The following CNTN5 variants were observed in gnomAD, a reference collection of about 807,000 sequenced individuals.
CNTN5 encodes contactin 5, also known as contactin-5.
In CNTN5, 77 loss-of-function variants were observed where a neutral mutation model predicts 129.1. The observed-to-expected ratio is 0.60, with a 90% CI of 0.50 to 0.72. The LOEUF is 0.72. Ranked by LOEUF, CNTN5 falls within the 30% of genes least tolerant of loss-of-function variation. CNTN5 has a pLI of 0.00. For missense variants in CNTN5, 1,478 were observed against 1,328.8 expected (o/e 1.11, Z -1.75); for synonymous variants, 509 against 465.6 (o/e 1.09, Z -1.20).
At chr11:99,666,759 T>A (rs1414198867) in intron 3 of CNTN5, among the ~76,000 whole-genome samples, 1 of 152,126 alleles carries the variant, frequency 6.6e-6, no homozygotes, top group East Asian at 1.9e-4. Flanking sequence ...AGGGCATGAC[T>A]GGGAAGTGGA....
chr11:100,136,526 A>G (rs1274880105), intron 13 of CNTN5, among the ~76,000 whole-genome samples: 4 of 152,042 alleles, frequency 2.6e-5, no homozygotes, highest in Non-Finnish European at 5.9e-5. Context: ...CTTTTAATTT[A>G]TTTTAGTTTT....
At chr11:99,757,410 C>T (rs951563177) in intron 3 of CNTN5, among the ~76,000 whole-genome samples, 5 of 151,688 alleles carry the variant, frequency 3.3e-5, no homozygotes, top group Admixed American at 3.3e-4. Flanking sequence ...ATTTTCTGTC[C>T]TTATAAGGAC....
At chr11:99,711,789 T>C (rs1955000713) in intron 3 of CNTN5, among the ~76,000 whole-genome samples, 1 of 152,006 alleles carries the variant, frequency 6.6e-6, no homozygotes, top group East Asian at 1.9e-4. Flanking sequence ...GCTTTTTCCA[T>C]GTCCCTGCAA....
chr11:100,053,976 T>C (rs1044479799), intron 9 of CNTN5, among the ~76,000 whole-genome samples: 1 of 151,774 alleles, frequency 6.6e-6, no homozygotes, highest in Admixed American at 6.6e-5. Context: ...CGTAGTGTAT[T>C]ATTCAATTTA....
intron 3 of CNTN5, among the ~76,000 whole-genome samples, chr11:99,652,350 A>G (rs1027235950): frequency 6.6e-6 from 1 of 152,088 alleles, no homozygotes; most frequent in Non-Finnish European, 1.5e-5. Context: ...CTTACATAAC[A>G]TAAAATAATG....
At chr11:99,627,555 A>G (rs1474554105) in intron 3 of CNTN5, among the ~76,000 whole-genome samples, 1 of 152,168 alleles carries the variant, frequency 6.6e-6, no homozygotes, top group Non-Finnish European at 1.5e-5. Flanking sequence ...CATGTAGACT[A>G]TAACCCCAGT....
At chr11:99,813,682 A>G (rs2135528562) in intron 3 of CNTN5, among the ~76,000 whole-genome samples, 1 of 152,270 alleles carries the variant, frequency 6.6e-6, no homozygotes, top group South Asian at 2.1e-4. Context: ...CATTGAGGAG[A>G]CAAAGAACTA....
intron 21 of CNTN5, chr11:100,309,800 T>C: frequency 8.9e-6 from 5 of 564,166 alleles, no homozygotes; most frequent in Non-Finnish European, 9.0e-6. Context: ...GACACGTGCC[T>C]CCTCCAACTG....
chr11:99,287,630 A>C (rs948221060), intron 1 of CNTN5, among the ~76,000 whole-genome samples: 2 of 152,126 alleles, frequency 1.3e-5, no homozygotes, highest in Non-Finnish European at 2.9e-5. Context: ...ATGAATTACT[A>C]TGAGGAATTT....
chr11:99,175,741 A>C (rs1296805715), intron 1 of CNTN5, among the ~76,000 whole-genome samples: 2 of 152,164 alleles, frequency 1.3e-5, no homozygotes, highest in Non-Finnish European at 1.5e-5. Flanking sequence ...TAGAGGGGTC[A>C]GATGTAATTT....
chr11:99,985,732 T>C (rs1186241869), intron 8 of CNTN5, among the ~76,000 whole-genome samples: 1 of 152,200 alleles, frequency 6.6e-6, no homozygotes, highest in Non-Finnish European at 1.5e-5. Context: ...AAAGCATTCA[T>C]GACATCCTTT....
At chr11:100,205,068 A>T (rs1370982691) in intron 15 of CNTN5, among the ~76,000 whole-genome samples, 1 of 152,072 alleles carries the variant, frequency 6.6e-6, no homozygotes, top group Non-Finnish European at 1.5e-5. Context: ...TTATATAAGC[A>T]AACAGTTCAG....
intron 13 of CNTN5, among the ~76,000 whole-genome samples, chr11:100,108,781 C>T (rs894899097): frequency 6.6e-6 from 1 of 151,158 alleles, no homozygotes. Flanking sequence ...ACTCTACACA[C>T]TCCATAAGAG....
At chr11:99,794,180 CT>C (rs34449350) in intron 3 of CNTN5, among the ~76,000 whole-genome samples, 76,483 of 141,546 alleles carry the variant, frequency 0.54, 20,299 homozygotes, top group East Asian at 0.72. Context: ...CCTTCTTTGT[CT>C]TTTTTTTTTT....
At chr11:99,534,985 A>G (rs968214852) in intron 2 of CNTN5, among the ~76,000 whole-genome samples, 4 of 152,184 alleles carry the variant, frequency 2.6e-5, no homozygotes, top group Admixed American at 2.0e-4. Flanking sequence ...AGTGGAATGA[A>G]TAATAGAAAG....
At chr11:99,133,509 T>C (rs538499454) in intron 1 of CNTN5, among the ~76,000 whole-genome samples, 28 of 151,144 alleles carry the variant, frequency 1.9e-4, no homozygotes, top group African/African-American at 6.8e-4. Flanking sequence ...TCTATCTATC[T>C]GACAAGGTCT....
rs142482567 is a variant in CNTN5 at position 99,834,818 on chromosome 11, T to C, written c.278-10034T>C. Among the ~76,000 whole-genome samples, 390 of 152,236 alleles carry C rather than the reference T, an allele frequency of 2.6e-3. 2 individuals are homozygous for C. The highest frequency in any genetic ancestry group is 9.0e-3 in the African/African-American group (374 of 41,564). On this transcript the variant is annotated intron_variant, in intron 4 of 24. Coordinates refer to ENST00000524871, the MANE Select transcript of CNTN5 (RefSeq NM_014361.4). ...AGTAAGGGAAAAACAGGAATACATA[T>C]ATATGATTTTATAATTTACAAGTTT...
chr11:99,508,242 T>C (rs1054425260), intron 2 of CNTN5, among the ~76,000 whole-genome samples: 1 of 152,194 alleles, frequency 6.6e-6, no homozygotes, highest in African/African-American at 2.4e-5. Context: ...ATAAGCTTTC[T>C]GAGTAATTAA....
intron 7 of CNTN5, among the ~76,000 whole-genome samples, chr11:99,955,966 T>C (rs1950792130): frequency 6.6e-6 from 1 of 152,160 alleles, no homozygotes; most frequent in Non-Finnish European, 1.5e-5. Context: ...TGAAAATATT[T>C]AAGTATCCAT....
Sources: allele counts gnomAD v4.1 joint callset (sites outside exome capture counted in the v4.1 genomes callset), GRCh38; gene constraint gnomAD v4.1.1; transcripts MANE v1.5; gene names NCBI Gene and HGNC (gene_info 2026-07-23, HGNC 2026-07-21).